The following GDAP1L1 variants were observed in gnomAD, a reference collection of about 807,000 sequenced individuals.
GDAP1L1 encodes the protein ganglioside-induced differentiation-associated protein 1-like 1.
In GDAP1L1, 21 loss-of-function variants were observed where a neutral mutation model predicts 37.1. That is an observed-to-expected ratio of 0.57 (90% CI 0.40 to 0.81). The LOEUF (loss-of-function observed/expected upper bound fraction) is 0.81. GDAP1L1 is among the 40% of genes least tolerant of loss of function. The pLI, the probability that GDAP1L1 is intolerant of heterozygous loss-of-function variation, is 0.00. For missense variants in GDAP1L1, 362 were observed against 491.6 expected (o/e 0.74, Z 2.49); for synonymous variants, 193 against 209.1 (o/e 0.92, Z 0.67).
chr20:44,258,351 T>C (rs768580264), intron 2 of GDAP1L1, 83 bp from the exon 3 acceptor site: 3 of 1,364,130 alleles, frequency 2.2e-6, no homozygotes, highest in African/African-American at 2.9e-5. Flanking sequence ...CAGAGACATC[T>C]TGGGGCTCAG....
At chr20:44,260,668 G>T (rs909783736) in intron 3 of GDAP1L1, among the ~76,000 whole-genome samples, 4 of 152,178 alleles carry the variant, frequency 2.6e-5, no homozygotes, top group African/African-American at 9.7e-5. Flanking sequence ...CCGAGGATGT[G>T]TAGCAGGTAG....
intron 5 of GDAP1L1, among the ~76,000 whole-genome samples, chr20:44,265,795 C>G (rs912116677): frequency 1.3e-5 from 2 of 152,036 alleles, no homozygotes; most frequent in Non-Finnish European, 2.9e-5. Flanking sequence ...GTGAGTTGCT[C>G]AAGGTCAGGC....
At chr20:44,270,764 A>G (rs1198573181) in intron 5 of GDAP1L1, among the ~76,000 whole-genome samples, 2 of 152,154 alleles carry the variant, frequency 1.3e-5, no homozygotes, top group Admixed American at 6.5e-5. Context: ...TCTTTACAGC[A>G]TGGCTGCTGG....
At chr20:44,258,216 T>C (rs2073600310) in intron 2 of GDAP1L1, 1 of 718,812 alleles carries the variant, frequency 1.4e-6, no homozygotes, top group Non-Finnish European at 2.6e-6. Flanking sequence ...AGTCTGGAGC[T>C]GAGAGGAGCT....
chr20:44,271,354 T>A (rs1157025002), intron 5 of GDAP1L1, among the ~76,000 whole-genome samples: 1 of 152,024 alleles, frequency 6.6e-6, no homozygotes, highest in African/African-American at 2.4e-5. Context: ...GAGTGGCCAG[T>A]GAAGTAGGAA....
At chr20:44,267,866 A>G (rs534998679) in intron 5 of GDAP1L1, among the ~76,000 whole-genome samples, 271 of 152,262 alleles carry the variant, frequency 1.8e-3, no homozygotes, top group Middle Eastern at 3.4e-3. Context: ...CCTACTGCTG[A>G]CCGCTGTCCT....
chr20:44,257,955 AG>A (rs2073593301), intron 2 of GDAP1L1, among the ~76,000 whole-genome samples: 1 of 152,142 alleles, frequency 6.6e-6, no homozygotes, highest in Admixed American at 6.5e-5. Context: ...AGGAGGGCCC[AG>A]GTACCCCAGA....
chr20:44,249,824 C>T (rs1053144755), intron 1 of GDAP1L1, among the ~76,000 whole-genome samples: 1 of 152,236 alleles, frequency 6.6e-6, no homozygotes, highest in Non-Finnish European at 1.5e-5. Context: ...AGGGCATGGG[C>T]TCTGCAGTCA....
At chr20:44,272,953 C>T (rs543918444) in intron 5 of GDAP1L1, among the ~76,000 whole-genome samples, 3 of 151,978 alleles carry the variant, frequency 2.0e-5, no homozygotes, top group Admixed American at 6.6e-5. Flanking sequence ...GCAGTCTATG[C>T]GGGATACAGA....
At chr20:44,278,747 T>TA (rs1391624752) in intron 5 of GDAP1L1, among the ~76,000 whole-genome samples, 8 of 148,976 alleles carry the variant, frequency 5.4e-5, no homozygotes, top group Non-Finnish European at 7.5e-5. Flanking sequence ...AACAAAAGAA[T>TA]AAAAAAAAAG....
At chr20:44,264,208 A>G (rs1321724348) in intron 4 of GDAP1L1, among the ~76,000 whole-genome samples, 3 of 152,164 alleles carry the variant, frequency 2.0e-5, no homozygotes, top group Non-Finnish European at 4.4e-5. Context: ...ACTAGCAGCC[A>G]GCCCTCCCAG....
At chr20:44,253,102 C>T (rs879468921) in intron 1 of GDAP1L1, among the ~76,000 whole-genome samples, 4 of 152,190 alleles carry the variant, frequency 2.6e-5, no homozygotes, top group Non-Finnish European at 5.9e-5. Flanking sequence ...CTACCTTTAT[C>T]CCTGACACCA....
Position 44,265,061 on chromosome 20 carries a change from G to A in GDAP1L1, c.760+502G>A, listed in dbSNP as rs148867469. On this transcript the variant is annotated intron_variant, in intron 5 of 5. Coordinates refer to ENST00000342560, the MANE Select transcript of GDAP1L1 (RefSeq NM_024034.6). ...ACATCATCATGCATACTGAATACTC[G>A]GTTGCTCCCCCATCACCTCCCTTAC... The A allele has an allele frequency of 8.9e-3, 8,816 of 985,134 alleles. 58 individuals carry two copies. Among genetic ancestry groups the A allele is most frequent in the Middle Eastern group, 0.044 (85 of 1,914 alleles). The allele number at this position is 985,134 out of a possible 1,614,324, so 61.0% of individuals were successfully genotyped here.
chr20:44,261,012 A>G (rs1316974634), intron 3 of GDAP1L1, among the ~76,000 whole-genome samples: 1 of 151,884 alleles, frequency 6.6e-6, no homozygotes, highest in Non-Finnish European at 1.5e-5. Context: ...AATTAGGGGC[A>G]CTCTCCCTCA....
intron 5 of GDAP1L1, among the ~76,000 whole-genome samples, chr20:44,272,408 G>A (rs2062527787): frequency 6.6e-6 from 1 of 152,200 alleles, no homozygotes; most frequent in South Asian, 2.1e-4. Context: ...GCTGGGGAAA[G>A]GATGTGAGAA....
Position 44,257,259 on chromosome 20 carries a change from AG to A in GDAP1L1, c.289del (p.Glu97ArgfsTer34), listed in dbSNP as rs1465568084. On this transcript the variant is annotated frameshift_variant, in exon 2 of 6. Transcript: ENST00000342560. LOFTEE classifies it high-confidence loss of function. ...EPWFMRLNLG[E>X]EVPVIIHRDN... ...TGGTTCATGCGGCTCAACCTGGGCGAGGAGGTGCCCGTCATCATCCACCGCG... is the reference window on the plus strand; with the variant it reads ...TGGTTCATGCGGCTCAACCTGGGCGAGAGGTGCCCGTCATCATCCACCGCG... 1 of 1,613,710 alleles carries A rather than the reference AG, an allele frequency of 6.2e-7. No individual in the cohort carries two copies. Among genetic ancestry groups the A allele is most frequent in the Non-Finnish European group, 8.5e-7 (1 of 1,179,918 alleles).
chr20:44,259,353 A>G (rs888980101), intron 3 of GDAP1L1, among the ~76,000 whole-genome samples: 3 of 152,192 alleles, frequency 2.0e-5, no homozygotes, highest in African/African-American at 7.2e-5. Context: ...TTCTTAGTAG[A>G]TAATAGGTGC....
chr20:44,276,541 G>A (rs2062584506), intron 5 of GDAP1L1, among the ~76,000 whole-genome samples: 1 of 152,162 alleles, frequency 6.6e-6, no homozygotes, highest in South Asian at 2.1e-4. Context: ...CAGATACTTT[G>A]ACGGGCAGTA....
rs1000575086 is a variant in GDAP1L1 at position 44,263,880 on chromosome 20, A to C, written c.645+553A>C. Among the ~76,000 whole-genome samples, 18 of 151,810 alleles carry C rather than the reference A, an allele frequency of 1.2e-4. No individual in the cohort carries two copies. In the South Asian group the frequency reaches 3.5e-3, roughly 30 times the overall value. On this transcript the variant is annotated intron_variant, in intron 4 of 5. Coordinates refer to ENST00000342560, the MANE Select transcript of GDAP1L1 (RefSeq NM_024034.6). ...ATTATAATAAATATATAAATAAATA[A>C]AAATAAATGCAGAGCACTGAACAGG...
Sources: allele counts gnomAD v4.1 joint callset (sites outside exome capture counted in the v4.1 genomes callset), GRCh38; gene constraint gnomAD v4.1.1; transcripts MANE v1.5; gene names NCBI Gene and HGNC (gene_info 2026-07-23, HGNC 2026-07-21).